RBFOX1: variants seen among roughly 807,000 people sequenced by gnomAD.
RBFOX1 encodes the protein RNA binding fox-1 homolog 1, also known as RNA binding protein fox-1 homolog 1.
Under a neutral mutation model 57.7 loss-of-function variants are expected in RBFOX1, and 8 were observed. The ratio of observed to expected loss-of-function variants is 0.14; its 90% CI spans 0.08 to 0.25. The LOEUF (loss-of-function observed/expected upper bound fraction) is 0.25, where lower values mean the gene tolerates loss of function less well. RBFOX1 is among the 10% of genes least tolerant of loss of function. RBFOX1 has a pLI of 1.00. For missense variants in RBFOX1, 611 were observed against 548.5 expected (o/e 1.11, Z -1.14); for synonymous variants, 326 against 222.4 (o/e 1.47, Z -4.15).
chr16:7,500,367 G>C (rs572360481), intron 4 of RBFOX1, among the ~76,000 whole-genome samples: 1 of 152,154 alleles, frequency 6.6e-6, no homozygotes, highest in Non-Finnish European at 1.5e-5. Flanking sequence ...TACTGAATTT[G>C]TAAGTCCAGT....
intron 3 of RBFOX1, among the ~76,000 whole-genome samples, chr16:6,951,152 C>A (rs1568041545): frequency 6.6e-6 from 1 of 152,130 alleles, no homozygotes; most frequent in African/African-American, 2.4e-5. Flanking sequence ...ACAAATCCTC[C>A]AGCATCAGCT....
chr16:5,272,924 A>G (rs116527745), intron 1 of RBFOX1, among the ~76,000 whole-genome samples: 1 of 152,198 alleles, frequency 6.6e-6, no homozygotes, highest in African/African-American at 2.4e-5. Context: ...CAGCCTTTGG[A>G]AAGTCATGGT....
chr16:5,658,971 C>G (rs965129263), intron 3 of RBFOX1, among the ~76,000 whole-genome samples: 17 of 151,750 alleles, frequency 1.1e-4, no homozygotes, highest in Non-Finnish European at 2.2e-4. Flanking sequence ...AATTGCGATG[C>G]TATAAACATG....
chr16:5,259,337 T>C (rs2062670777), intron 1 of RBFOX1, among the ~76,000 whole-genome samples: 1 of 152,190 alleles, frequency 6.6e-6, no homozygotes, highest in African/African-American at 2.4e-5. Flanking sequence ...CTAGGACCTA[T>C]GTTTGCAAAA....
At chr16:5,979,391 T>G (rs927442278) in intron 4 of RBFOX1, among the ~76,000 whole-genome samples, 3 of 152,234 alleles carry the variant, frequency 2.0e-5, no homozygotes, top group East Asian at 1.9e-4. Flanking sequence ...ATTTTGTTAT[T>G]TCCTTCTTTT....
At chr16:7,206,789 A>ACAG (rs1241079340) in intron 4 of RBFOX1, among the ~76,000 whole-genome samples, 2 of 152,168 alleles carry the variant, frequency 1.3e-5, no homozygotes, top group African/African-American at 4.8e-5. Flanking sequence ...GAAATATGCA[A>ACAG]CAGGGGAGAG....
intron 1 of RBFOX1, among the ~76,000 whole-genome samples, chr16:5,377,765 C>T: frequency 6.6e-6 from 1 of 151,532 alleles, no homozygotes; most frequent in African/African-American, 2.4e-5. Flanking sequence ...GTCAACAAGT[C>T]CTCTGAACTG....
chr16:7,686,989 T>G (rs2076205300), intron 14 of RBFOX1, among the ~76,000 whole-genome samples: 1 of 152,106 alleles, frequency 6.6e-6, no homozygotes, highest in Non-Finnish European at 1.5e-5. Flanking sequence ...TCTTTCTGTT[T>G]AAGCTTCTTT....
intron 2 of RBFOX1, among the ~76,000 whole-genome samples, chr16:6,527,062 A>G (rs1020310905): frequency 3.3e-5 from 5 of 152,004 alleles, no homozygotes; most frequent in African/African-American, 7.2e-5. Context: ...GAATTTGACT[A>G]TATTTTTCCA....
At chr16:7,306,801 T>G in intron 4 of RBFOX1, among the ~76,000 whole-genome samples, 1 of 152,212 alleles carries the variant, frequency 6.6e-6, no homozygotes. Flanking sequence ...CTTATTTTAT[T>G]TAGCATTCCA....
chr16:6,124,927 T>A (rs2152651704), intron 1 of RBFOX1, among the ~76,000 whole-genome samples: 1 of 152,318 alleles, frequency 6.6e-6, no homozygotes, highest in African/African-American at 2.4e-5. Context: ...TATTTCACAG[T>A]GCCTCACCAG....
At chr16:5,871,706 G>T (rs1041521212) in intron 4 of RBFOX1, among the ~76,000 whole-genome samples, 1 of 151,994 alleles carries the variant, frequency 6.6e-6, no homozygotes, top group South Asian at 2.1e-4. Context: ...AACAAAGGAG[G>T]TTATAGAAGA....
chr16:6,552,957 A>G (rs956520497), intron 2 of RBFOX1, among the ~76,000 whole-genome samples: 1 of 152,136 alleles, frequency 6.6e-6, no homozygotes, highest in Admixed American at 6.6e-5. Flanking sequence ...CTAATTAAAA[A>G]TTTTTTAAAA....
At chr16:6,972,862 G>A (rs1318491125) in intron 3 of RBFOX1, among the ~76,000 whole-genome samples, 1 of 152,154 alleles carries the variant, frequency 6.6e-6, no homozygotes, top group Admixed American at 6.5e-5. Flanking sequence ...AGTGGTTCAT[G>A]CCTGTTATCA....
chr16:7,467,267 A>G (rs932812740), intron 4 of RBFOX1, among the ~76,000 whole-genome samples: 1 of 152,158 alleles, frequency 6.6e-6, no homozygotes, highest in Non-Finnish European at 1.5e-5. Context: ...TCAATAGGGA[A>G]CAAGTGCTAA....
At chr16:7,471,700 A>G (rs1334560154) in intron 4 of RBFOX1, among the ~76,000 whole-genome samples, 1 of 152,186 alleles carries the variant, frequency 6.6e-6, no homozygotes, top group Admixed American at 6.5e-5. Context: ...GTGATTTGAA[A>G]TTCTGTCCAT....
intron 2 of RBFOX1, among the ~76,000 whole-genome samples, chr16:6,645,313 T>C (rs924950717): frequency 1.3e-5 from 2 of 152,156 alleles, no homozygotes; most frequent in African/African-American, 2.4e-5. Flanking sequence ...GGCTTGAGCA[T>C]ATCTTTTGGG....
intron 1 of RBFOX1, among the ~76,000 whole-genome samples, chr16:6,128,963 C>T (rs1284464884): frequency 6.6e-6 from 1 of 152,172 alleles, no homozygotes; most frequent in Non-Finnish European, 1.5e-5. Context: ...ACAGACCCAC[C>T]TGACAAAGGA....
chr16:7,199,542 G>C (rs2087733053), intron 4 of RBFOX1, among the ~76,000 whole-genome samples: 1 of 152,060 alleles, frequency 6.6e-6, no homozygotes, highest in Non-Finnish European at 1.5e-5. Flanking sequence ...TCAGAGGAAT[G>C]GTATCTACTT....
Sources: gnomAD v4.1 joint callset for allele counts (sites outside exome capture counted in the v4.1 genomes callset) on GRCh38, gnomAD v4.1.1 for gene constraint, MANE v1.5 for transcripts, NCBI Gene and HGNC (gene_info 2026-07-23, HGNC 2026-07-21) for gene names.